Variants in SCHIP1 observed in about 807,000 individuals in gnomAD.
SCHIP1 encodes schwannomin-interacting protein 1.
In SCHIP1, 8 loss-of-function variants were observed where a neutral mutation model predicts 29.7. That is an observed-to-expected ratio of 0.27 (90% CI 0.16 to 0.49). The LOEUF (loss-of-function observed/expected upper bound fraction) is 0.49. Ranked by LOEUF, SCHIP1 falls within the 20% of genes least tolerant of loss-of-function variation. The pLI, the probability that SCHIP1 is intolerant of heterozygous loss-of-function variation, is 0.99. For synonymous variants in SCHIP1, 76 were observed against 94.9 expected, an observed-to-expected ratio of 0.80 and a Z score of 1.16; for missense variants, 193 against 294.6, an observed-to-expected ratio of 0.66 and a Z score of 2.52.
the SCHIP1 span, chr3:159,764,355 G>C: frequency 6.8e-7 from 1 of 1,462,148 alleles, no homozygotes; most frequent in Non-Finnish European, 9.1e-7. The surrounding 1 kb of genome is among the most constrained non-coding windows in gnomAD (Gnocchi z 6.1). Context: ...CGCAGGGTGC[G>C]GGGCACTGAG....
chr3:159,365,818 C>T, the SCHIP1 span, among the ~76,000 whole-genome samples: 1 of 152,166 alleles, frequency 6.6e-6, no homozygotes, highest in East Asian at 1.9e-4. Flanking sequence ...ACACATTGGA[C>T]AGAGTGAATT....
At chr3:159,472,054 T>G in the SCHIP1 span, among the ~76,000 whole-genome samples, 771 of 152,278 alleles carry the variant, frequency 5.1e-3, 7 homozygotes, top group African/African-American at 0.017. Context: ...ATTGAAACCT[T>G]ATAGCAGTGG....
chr3:159,396,633 A>G, the SCHIP1 span, among the ~76,000 whole-genome samples: 1 of 152,272 alleles, frequency 6.6e-6, no homozygotes, highest in South Asian at 2.1e-4. Flanking sequence ...TTCTTTAAGA[A>G]TGTTGAATAT....
At chr3:159,403,494 G>T in the SCHIP1 span, among the ~76,000 whole-genome samples, 2 of 152,212 alleles carry the variant, frequency 1.3e-5, no homozygotes, top group Non-Finnish European at 2.9e-5. Flanking sequence ...GGAAGAGAGA[G>T]TGCAGTGATT....
At chr3:159,736,787 T>G in the SCHIP1 span, among the ~76,000 whole-genome samples, 1 of 151,680 alleles carries the variant, frequency 6.6e-6, no homozygotes, top group Non-Finnish European at 1.5e-5. Flanking sequence ...CAGGCTGAAG[T>G]GCAGTGGCGC....
At chr3:159,597,714 T>C in the SCHIP1 span, among the ~76,000 whole-genome samples, 1 of 152,208 alleles carries the variant, frequency 6.6e-6, no homozygotes, top group Non-Finnish European at 1.5e-5. Flanking sequence ...ATCTTTGCTT[T>C]TGTGAAGAGT....
chr3:159,867,403 A>G (rs895864851), intron 2 of SCHIP1, among the ~76,000 whole-genome samples: 4 of 152,200 alleles, frequency 2.6e-5, no homozygotes, highest in African/African-American at 9.6e-5. Flanking sequence ...TATGGCTTTC[A>G]GTAAGGTTTG....
chr3:159,457,447 T>C, the SCHIP1 span, among the ~76,000 whole-genome samples: 2 of 152,016 alleles, frequency 1.3e-5, no homozygotes, highest in Non-Finnish European at 2.9e-5. Context: ...GTTGCAAAAT[T>C]GGTGCTGTGC....
chr3:159,744,417 C>G, the SCHIP1 span, among the ~76,000 whole-genome samples: 1 of 152,192 alleles, frequency 6.6e-6, no homozygotes, highest in African/African-American at 2.4e-5. Flanking sequence ...CTTTCTTTCT[C>G]TCTCTCTGTC....
At chr3:159,400,540 C>G in the SCHIP1 span, among the ~76,000 whole-genome samples, 1 of 152,192 alleles carries the variant, frequency 6.6e-6, no homozygotes, top group Admixed American at 6.5e-5. Flanking sequence ...CAGTACACAG[C>G]TAGTAACTGT....
chr3:159,746,351 G>A, the SCHIP1 span, among the ~76,000 whole-genome samples: 2 of 151,968 alleles, frequency 1.3e-5, no homozygotes, highest in Non-Finnish European at 2.9e-5. Flanking sequence ...TAGTTCTCAC[G>A]TGGGAGAGTA....
At chr3:159,692,013 C>CTT in the SCHIP1 span, among the ~76,000 whole-genome samples, 969 of 90,966 alleles carry the variant, frequency 0.011, 110 homozygotes, top group African/African-American at 0.042. Context: ...CCCGACCTTT[C>CTT]TTTTTTTTTT....
chr3:159,803,829 A>G, the SCHIP1 span, among the ~76,000 whole-genome samples: 1 of 152,234 alleles, frequency 6.6e-6, no homozygotes, highest in Non-Finnish European at 1.5e-5. Flanking sequence ...ACAATTTTTT[A>G]AATGCCAAAC....
the SCHIP1 span, among the ~76,000 whole-genome samples, chr3:159,719,008 C>G: frequency 6.6e-6 from 1 of 152,176 alleles, no homozygotes; most frequent in Non-Finnish European, 1.5e-5. Context: ...GTAACCAAAA[C>G]AGCATGGTAC....
the SCHIP1 span, among the ~76,000 whole-genome samples, chr3:159,831,904 A>T: frequency 9.2e-6 from 1 of 109,054 alleles, no homozygotes; most frequent in Non-Finnish European, 2.0e-5. Context: ...GAATGATTGT[A>T]TGTCTGTTTA....
At chr3:159,687,778 G>A in the SCHIP1 span, among the ~76,000 whole-genome samples, 1 of 152,248 alleles carries the variant, frequency 6.6e-6, no homozygotes, top group Non-Finnish European at 1.5e-5. Context: ...AAGCCCCAGT[G>A]TGTGATGTTC....
chr3:159,842,874 C>A (rs1485640008), intron 1 of SCHIP1, among the ~76,000 whole-genome samples: 2 of 151,894 alleles, frequency 1.3e-5, no homozygotes, highest in Admixed American at 6.6e-5. Context: ...TATATTGTCG[C>A]CTCTACCCCC....
At chr3:159,833,872 CAA>C in the SCHIP1 span, among the ~76,000 whole-genome samples, 4 of 152,198 alleles carry the variant, frequency 2.6e-5, no homozygotes, top group African/African-American at 9.6e-5. Flanking sequence ...GTAATGGTCT[CAA>C]AACCTCACAA....
chr3:159,823,867 A>G, the SCHIP1 span, among the ~76,000 whole-genome samples: 3 of 152,154 alleles, frequency 2.0e-5, no homozygotes, highest in East Asian at 5.8e-4. Context: ...CCCCATTTTC[A>G]TTTTGCACAG....
Sources: gnomAD v4.1 joint callset for allele counts (sites outside exome capture counted in the v4.1 genomes callset) on GRCh38, gnomAD v4.1.1 for gene constraint, Gnocchi (gnomAD v3.1) non-coding constraint, MANE v1.5 for transcripts, NCBI Gene and HGNC (gene_info 2026-07-23, HGNC 2026-07-21) for gene names.